PIWIL1: variants seen among roughly 807,000 people sequenced by gnomAD.
PIWIL1 encodes piwi-like protein 1.
PIWIL1 carries 73 observed loss-of-function variants against 114.4 expected under a neutral mutation model. The ratio of observed to expected loss-of-function variants is 0.64; its 90% CI spans 0.53 to 0.78. The LOEUF (loss-of-function observed/expected upper bound fraction) is 0.78. PIWIL1 is among the 30% of genes least tolerant of loss of function. The pLI is 0.00. For synonymous variants in PIWIL1, 375 were observed against 369.0 expected (o/e 1.02, Z -0.19); for missense variants, 723 against 1,063.1 (o/e 0.68, Z 4.45).
At chr12:130,395,759 A>G in the PIWIL1 span, among the ~76,000 whole-genome samples, 2 of 152,214 alleles carry the variant, frequency 1.3e-5, no homozygotes, top group South Asian at 2.1e-4. Context: ...ATTCTAAAAT[A>G]AGGCTTTTAG....
chr12:130,421,691 A>ATGTG, the PIWIL1 span, among the ~76,000 whole-genome samples: 2,247 of 147,276 alleles, frequency 0.015, 34 homozygotes, highest in African/African-American at 0.029. Context: ...CTGCATTTAT[A>ATGTG]TGTGTGTGTG....
chr12:130,340,370 A>G (rs2072873757), intron 1 of PIWIL1, among the ~76,000 whole-genome samples: 1 of 151,954 alleles, frequency 6.6e-6, no homozygotes, highest in Non-Finnish European at 1.5e-5. Context: ...CAATTTTTCC[A>G]CGGACCGGTG....
Position 130,357,496 on chromosome 12 carries a change from C to T in PIWIL1, c.1608C>T (p.Asp536=). 1 of 1,612,880 alleles carries T rather than the reference C, an allele frequency of 6.2e-7. No homozygotes were observed. The highest frequency in any genetic ancestry group is 1.1e-5 in the South Asian group (1 of 91,022). The change falls in exon 14 of 21, where the codon GAC becomes GAT. Residue 536 remains aspartate (D), a synonymous_variant. Transcript: ENST00000245255. The stretch of plus-strand genomic sequence containing the variant: ...TTCATTCTAGGATTGAAGTGGATGA[C>T]AGAACTGAAGCCTACTTAAGAGTCT... The part of the protein sequence containing the change: ...MRKAIMIEVD[D]RTEAYLRVLQ...
chr12:130,390,842 C>A, the PIWIL1 span, among the ~76,000 whole-genome samples: 1 of 152,156 alleles, frequency 6.6e-6, no homozygotes, highest in Non-Finnish European at 1.5e-5. Flanking sequence ...CTGGGCTAGA[C>A]GGTGGGCTGG....
the PIWIL1 span, among the ~76,000 whole-genome samples, chr12:130,410,272 T>G: frequency 2.0e-5 from 3 of 152,264 alleles, no homozygotes; most frequent in Non-Finnish European, 4.4e-5. Context: ...TTGTGTATTC[T>G]GAATGCAAAT....
the PIWIL1 span, among the ~76,000 whole-genome samples, chr12:130,418,302 T>C: frequency 2.0e-5 from 3 of 152,362 alleles, no homozygotes; most frequent in South Asian, 2.1e-4. Flanking sequence ...CAGGCTGTTA[T>C]GATTTTGTTG....
At chr12:130,391,079 T>A in the PIWIL1 span, among the ~76,000 whole-genome samples, 6 of 151,862 alleles carry the variant, frequency 4.0e-5, no homozygotes, top group Non-Finnish European at 5.9e-5. Context: ...CAGGGCTGTG[T>A]CCCTAGAATG....
chr12:130,367,746 C>G (rs1298362655), intron 19 of PIWIL1, among the ~76,000 whole-genome samples: 1 of 152,194 alleles, frequency 6.6e-6, no homozygotes, highest in East Asian at 1.9e-4. Context: ...CGGGCACCGG[C>G]AGGCACAGGG....
chr12:130,378,676 C>T, the PIWIL1 span, among the ~76,000 whole-genome samples: 1 of 151,986 alleles, frequency 6.6e-6, no homozygotes, highest in Non-Finnish European at 1.5e-5. Flanking sequence ...TGTAATCTTA[C>T]CTTATTTTGG....
the PIWIL1 span, among the ~76,000 whole-genome samples, chr12:130,395,791 AGTTATATTTT>A: frequency 6.6e-6 from 1 of 152,188 alleles, no homozygotes; most frequent in Admixed American, 6.5e-5. Context: ...GTATTTGGGA[AGTTATATTTT>A]GTTGTATTAT....
the PIWIL1 span, among the ~76,000 whole-genome samples, chr12:130,394,728 C>G: frequency 4.0e-5 from 6 of 151,770 alleles, no homozygotes; most frequent in African/African-American, 1.5e-4. Context: ...TACAGTAAAG[C>G]TCACTTGGTG....
chr12:130,414,230 C>T, the PIWIL1 span: 476 of 1,614,066 alleles, frequency 2.9e-4, 5 homozygotes, highest in South Asian at 5.0e-3. Flanking sequence ...AGATCCGGGC[C>T]GGGAGCTCTT....
intron 8 of PIWIL1, 118 bp from the exon 9 acceptor site, chr12:130,349,738 A>C: frequency 1.6e-6 from 1 of 644,320 alleles, no homozygotes; most frequent in South Asian, 2.1e-5. Context: ...TCTTTTTCCA[A>C]CCTTGTATAT....
intron 3 of PIWIL1, among the ~76,000 whole-genome samples, chr12:130,344,772 A>T (rs2073024804): frequency 6.6e-6 from 1 of 152,242 alleles, no homozygotes; most frequent in Non-Finnish European, 1.5e-5. Flanking sequence ...GCAAAGGGTC[A>T]GGAAGTACAA....
At chr12:130,369,376 T>C (rs566223390) in intron 19 of PIWIL1, among the ~76,000 whole-genome samples, 8 of 152,238 alleles carry the variant, frequency 5.3e-5, no homozygotes, top group Non-Finnish European at 1.2e-4. Flanking sequence ...TGTATCTTTA[T>C]AGCAGAATTA....
At chr12:130,338,185 G>T in intron 1 of PIWIL1, 39 bp downstream of exon 1, 1 of 319,418 alleles carries the variant, frequency 3.1e-6, no homozygotes, top group Non-Finnish European at 6.0e-6. Flanking sequence ...TGCGGGGGCC[G>T]GGATGCGGGG....
At chr12:130,381,064 C>T in the PIWIL1 span, among the ~76,000 whole-genome samples, 3 of 152,252 alleles carry the variant, frequency 2.0e-5, no homozygotes, top group Non-Finnish European at 4.4e-5. Flanking sequence ...ATCCCACCCC[C>T]CAGAGTGGTT....
chr12:130,422,311 C>A, the PIWIL1 span: 1 of 557,786 alleles, frequency 1.8e-6, no homozygotes, highest in South Asian at 2.8e-5. This position sits in a 1 kb window ranked among gnomAD's most constrained non-coding sequence, Gnocchi z 5.2. Context: ...TTGTGCTGTT[C>A]CTGCCTTCTT....
chr12:130,397,838 T>A, the PIWIL1 span: 1 of 237,498 alleles, frequency 4.2e-6, no homozygotes, highest in African/African-American at 2.2e-5. Flanking sequence ...AAATGAAGAC[T>A]AAGGGCAGGG....
Sources: gnomAD v4.1 joint callset for allele counts (sites outside exome capture counted in the v4.1 genomes callset) on GRCh38, gnomAD v4.1.1 for gene constraint, Gnocchi (gnomAD v3.1) non-coding constraint, MANE v1.5 for transcripts, NCBI Gene and HGNC (gene_info 2026-07-23, HGNC 2026-07-21) for gene names.